The following APELA variants were observed in gnomAD, a reference collection of about 807,000 sequenced individuals.
APELA encodes the protein protein Elabela.
intron 2 of APELA, among the ~76,000 whole-genome samples, chr4:164,893,474 C>T (rs1730917124): frequency 6.6e-6 from 1 of 151,980 alleles, no homozygotes; most frequent in Admixed American, 6.6e-5. Context: ...CCAGATTTTG[C>T]TTCATGTATT....
At chr4:164,878,196 A>AGAAAGAAAGAAAGAAAGAAAG (rs1553970694) in intron 1 of APELA, among the ~76,000 whole-genome samples, 38 of 143,460 alleles carry the variant, frequency 2.6e-4, no homozygotes, top group African/African-American at 9.4e-4. Context: ...AGAAACAGAA[A>AGAAAGAAAGAAAGAAAGAAAG]AAAGAAAGAA....
intron 2 of APELA, among the ~76,000 whole-genome samples, chr4:164,880,669 C>T (rs1019785970): frequency 6.6e-6 from 1 of 152,108 alleles, no homozygotes; most frequent in African/African-American, 2.4e-5. Context: ...CAAGAGAATT[C>T]CTGCATATAC....
At chr4:164,893,098 C>T (rs2111068669) in intron 2 of APELA, among the ~76,000 whole-genome samples, 1 of 152,156 alleles carries the variant, frequency 6.6e-6, no homozygotes, top group South Asian at 2.1e-4. Flanking sequence ...TTCTCCAGTT[C>T]ATTTGTTTCT....
intron 2 of APELA, among the ~76,000 whole-genome samples, chr4:164,891,111 G>A (rs548586322): frequency 6.6e-6 from 1 of 152,180 alleles, no homozygotes; most frequent in African/African-American, 2.4e-5. Flanking sequence ...ATATATATGT[G>A]TGTGTATATA....
chr4:164,877,632 A>AT (rs1237809174), intron 1 of APELA, among the ~76,000 whole-genome samples: 1 of 152,132 alleles, frequency 6.6e-6, no homozygotes, highest in Non-Finnish European at 1.5e-5. Flanking sequence ...TTTTACCACT[A>AT]TTTTTCCTAA....
At chr4:164,878,189 AAC>A (rs1272782041) in intron 1 of APELA, among the ~76,000 whole-genome samples, 7 of 84,002 alleles carry the variant, frequency 8.3e-5, no homozygotes, top group African/African-American at 3.7e-4. Context: ...GAAAGAAAGA[AAC>A]AGAAAAAAGA....
At chr4:164,889,178 T>C (rs1283363074) in intron 2 of APELA, among the ~76,000 whole-genome samples, 2 of 139,220 alleles carry the variant, frequency 1.4e-5, no homozygotes, top group East Asian at 2.5e-4. Context: ...GAGGGTGGGG[T>C]GGGAGTGGGG....
At chr4:164,882,172 C>T (rs976512223) in intron 2 of APELA, among the ~76,000 whole-genome samples, 9 of 151,994 alleles carry the variant, frequency 5.9e-5, no homozygotes, top group South Asian at 4.1e-4. Context: ...GGTGCCATCT[C>T]GGCTCACCGG....
intron 2 of APELA, among the ~76,000 whole-genome samples, chr4:164,893,375 C>T (rs997906331): frequency 2.0e-5 from 3 of 151,996 alleles, no homozygotes; most frequent in Non-Finnish European, 4.4e-5. Flanking sequence ...TGTTAATTTC[C>T]ATATATTTGA....
chr4:164,889,308 C>A (rs1242902981), intron 2 of APELA, among the ~76,000 whole-genome samples: 1 of 151,982 alleles, frequency 6.6e-6, no homozygotes, highest in Non-Finnish European at 1.5e-5. Context: ...TTTCTAATAG[C>A]AACATTTTTA....
chr4:164,889,879 A>G (rs1461058200), intron 2 of APELA, among the ~76,000 whole-genome samples: 1 of 152,212 alleles, frequency 6.6e-6, no homozygotes, highest in Non-Finnish European at 1.5e-5. Flanking sequence ...TTTATATTGT[A>G]TTAGGTATTA....
chr4:164,893,241 T>C (rs1730914606), intron 2 of APELA, among the ~76,000 whole-genome samples: 1 of 152,146 alleles, frequency 6.6e-6, no homozygotes, highest in Non-Finnish European at 1.5e-5. Context: ...TGTTTATAGG[T>C]ATAAATTTCT....
intron 2 of APELA, among the ~76,000 whole-genome samples, chr4:164,888,767 G>A: frequency 7.5e-6 from 1 of 132,834 alleles, no homozygotes; most frequent in East Asian, 1.9e-4. Flanking sequence ...AGGTCCTTTA[G>A]TGATTTCTCA....
chr4:164,880,653 C>T (rs925958560), intron 2 of APELA, among the ~76,000 whole-genome samples: 6 of 152,256 alleles, frequency 3.9e-5, no homozygotes, highest in African/African-American at 1.4e-4. Flanking sequence ...ACACATTTCA[C>T]AATAGCAAGA....
At chr4:164,893,804 A>T (rs1008155911) in intron 2 of APELA, among the ~76,000 whole-genome samples, 10 of 152,090 alleles carry the variant, frequency 6.6e-5, no homozygotes, top group African/African-American at 2.4e-4. Flanking sequence ...TGGATTATTT[A>T]GTAAGTTCAT....
chr4:164,889,123 C>T (rs960763744), intron 2 of APELA, among the ~76,000 whole-genome samples: 1 of 152,082 alleles, frequency 6.6e-6, no homozygotes, highest in Admixed American at 6.6e-5. Context: ...CCTGCCTCAG[C>T]CCCCCAATAA....
intron 2 of APELA, among the ~76,000 whole-genome samples, chr4:164,886,576 G>T (rs187208777): frequency 2.6e-4 from 40 of 152,206 alleles, no homozygotes; most frequent in Admixed American, 7.2e-4. Context: ...GAGCCGAGGG[G>T]TTGAGGCTAT....
chr4:164,885,931 C>G (rs1399238113), intron 2 of APELA, among the ~76,000 whole-genome samples: 2 of 152,134 alleles, frequency 1.3e-5, no homozygotes, highest in Non-Finnish European at 2.9e-5. Context: ...CTTCTCTCAT[C>G]AAGTCCAAAC....
chr4:164,888,020 C>A (rs1730807005), intron 2 of APELA, among the ~76,000 whole-genome samples: 1 of 152,122 alleles, frequency 6.6e-6, no homozygotes, highest in Admixed American at 6.5e-5. Flanking sequence ...AATTCCAGGG[C>A]ACCATACTTA....
Sources: allele counts gnomAD v4.1 joint callset (sites outside exome capture counted in the v4.1 genomes callset), GRCh38; gene constraint gnomAD v4.1.1; transcripts MANE v1.5; gene names NCBI Gene and HGNC (gene_info 2026-07-23, HGNC 2026-07-21).